The following HMCN2 variants were observed in gnomAD, a reference collection of about 807,000 sequenced individuals.
HMCN2 encodes the protein hemicentin-2.
In HMCN2, 325 loss-of-function variants were observed where a neutral mutation model predicts 377.5. That is an observed-to-expected ratio of 0.86 (90% CI 0.79 to 0.94). HMCN2 has a LOEUF of 0.94. HMCN2 is among the 40% of genes least tolerant of loss of function. The pLI, the probability that HMCN2 is intolerant of heterozygous loss-of-function variation, is 0.00. For synonymous variants in HMCN2, 2,007 were observed against 2,046.8 expected (o/e 0.98, Z 0.53); for missense variants, 4,543 against 4,725.3 (o/e 0.96, Z 1.13).
chr9:130,282,459 C>T (rs1835171423), intron 1 of HMCN2, among the ~76,000 whole-genome samples: 1 of 152,216 alleles, frequency 6.6e-6, no homozygotes. Context: ...TCTGGCCAAG[C>T]TCCAAGGCTG....
intron 15 of HMCN2, among the ~76,000 whole-genome samples, chr9:130,316,170 G>A (rs1706727301): frequency 6.6e-6 from 1 of 152,178 alleles, no homozygotes; most frequent in African/African-American, 2.4e-5. Context: ...ATGGAATGAG[G>A]CCGAGGAGGA....
chr9:130,330,159 A>T (rs1229849154), intron 22 of HMCN2, among the ~76,000 whole-genome samples: 9 of 151,702 alleles, frequency 5.9e-5, no homozygotes, highest in African/African-American at 1.5e-4. Flanking sequence ...GCGTCTGGTG[A>T]GTCGTAGGTG....
Position 130,418,809 on chromosome 9 carries a change from A to C in HMCN2, c.12999A>C (p.Thr4333=). The C allele has an allele frequency of 6.7e-7, 1 of 1,501,514 alleles. No homozygotes were observed. Among genetic ancestry groups the C allele is most frequent in the Admixed American group, 2.2e-5 (1 of 45,508 alleles). The allele number at this position is 1,501,514 out of a possible 1,614,324, so 93.0% of individuals were successfully genotyped here. ...PVFQVEPQDM[T]VRSGDDVALR... ...TCCAGGTGGAGCCCCAGGACATGAC[A>C]GTGAGATCTGGGGATGACGTGGCCC... is the stretch of plus-strand genomic sequence containing the variant. The change falls in exon 86 of 98, where the codon ACA becomes ACC. Residue 4333 remains threonine, a synonymous_variant. Transcript: ENST00000683500.
In HMCN2 at chr9:130,372,343, C is replaced by T. The variant is rs375334832; in HGVS notation, c.7287C>T (p.Leu2429=). 37 of 985,936 alleles carry T rather than the reference C, an allele frequency of 3.8e-5. No individual in the cohort carries two copies. The African/African-American group carries it at 6.1e-4, about 16-fold the overall frequency. 61.1% of individuals were successfully genotyped at this position (985,936 alleles called of 1,614,324 possible). A position where few individuals can be genotyped will look rare whatever the true frequency, so the allele number is the denominator to read the frequency against. ...AGACACAGGAGCAAGACAGTGGCCT[C>T]TACTCATGCCTGGCAAGCAACGAGG... ...MTQTQEQDSG[L]YSCLASNEAG... is the part of the protein sequence containing the mutation. Residue 2429 remains leucine (L), a synonymous_variant, in exon 47 of 98, where the codon CTC becomes CTT. Coordinates refer to ENST00000683500, the MANE Select transcript of HMCN2 (RefSeq NM_001291815.2).
intron 15 of HMCN2, among the ~76,000 whole-genome samples, chr9:130,313,442 G>T (rs1837372092): frequency 6.6e-6 from 1 of 152,242 alleles, no homozygotes; most frequent in South Asian, 2.1e-4. Context: ...GCCCAGGTCC[G>T]CTGGTATTTG....
In HMCN2 at chr9:130,319,513, AGCT is replaced by A. The variant is rs1374756114; in HGVS notation, c.2372_2374del (p.Leu791del). ...CCTGCAGATGCGCCCCAGCTGACGG[AGCT>A]GCCCCGGGATGTCACTGTGGAACTG... is the stretch of plus-strand genomic sequence containing the variant. On this transcript the variant is annotated inframe_deletion, in exon 16 of 98. Coordinates refer to ENST00000683500, the MANE Select transcript of HMCN2 (RefSeq NM_001291815.2). The A allele has an allele frequency of 1.3e-5, 2 of 152,128 alleles. 1 individual carries two copies. The highest frequency in any genetic ancestry group is 1.3e-4 in the Admixed American group (2 of 15,268). 9.4% of individuals were successfully genotyped at this position (152,128 alleles called of 1,614,324 possible). A position where few individuals can be genotyped will look rare whatever the true frequency, so the allele number is the denominator to read the frequency against.
At chr9:130,277,150 G>T (rs1417581306) in intron 1 of HMCN2, among the ~76,000 whole-genome samples, 8 of 152,246 alleles carry the variant, frequency 5.3e-5, no homozygotes, top group African/African-American at 1.9e-4. Context: ...CAGTTCATGG[G>T]GCTGGCCCCA....
rs782022293 is a variant in HMCN2 at position 130,294,940 on chromosome 9, G to A, written c.698G>A (p.Trp233Ter). ...TDHEEEGEHT[W>*]RLPFDPSLKE... ...CACGAGGAGGAGGGGGAGCACACAT[G>A]GAGACTCCCCTTTGACCCCAGCCTG... The change falls in exon 5 of 98, where the codon TGG becomes TAG. Residue 233 changes from tryptophan (W) to a stop codon, truncating the protein, a stop_gained. Transcript: ENST00000683500. LOFTEE classifies it high-confidence loss of function. 4.2e-6 allele frequency: 2 copies of A among 470,948 alleles called. No individual in the cohort carries two copies. The highest frequency in any genetic ancestry group is 3.1e-5 in the South Asian group (2 of 64,494). The allele number at this position is 470,948 out of a possible 1,614,324, so 29.2% of individuals were successfully genotyped here.
Position 130,423,981 on chromosome 9 carries a change from C to CTT in HMCN2, c.13382-786_13382-785dup, listed in dbSNP as rs113886984. 6.7e-5 allele frequency among the ~76,000 whole-genome samples: 10 copies of CTT among 148,486 alleles called. No individual in the cohort carries two copies. The highest frequency in any genetic ancestry group is 4.3e-4 in the South Asian group (2 of 4,680). On this transcript the variant is annotated intron_variant, in intron 87 of 97. Coordinates refer to ENST00000683500, the MANE Select transcript of HMCN2 (RefSeq NM_001291815.2). The surrounding 1 kb of genome is among the most constrained non-coding windows in gnomAD (Gnocchi z 5.5). ...AACAAGGTACATGCATTTATTTCTT[C>CTT]TTTTTTTTTTCTTTTTGAGACTGCT... is the stretch of plus-strand genomic sequence containing the variant.
In HMCN2 at chr9:130,382,793, CA is replaced by C; in HGVS notation, c.8661del (p.Trp2888GlyfsTer166). The C allele has an allele frequency of 1.0e-6, 1 of 985,938 alleles. No homozygotes were observed. The highest frequency in any genetic ancestry group is 1.2e-6 in the Non-Finnish European group (1 of 829,980). 61.1% of individuals were successfully genotyped at this position (985,938 alleles called of 1,614,324 possible). Reference protein sequence around the residue: ...PALGNPVPTISWLQNGLPFSP... With the variant: ...PALGNPVPTIXWLQNGLPFSP... ...CTGGGAAACCCCGTGCCCACCATCT[CA>C]TGGCTCCAGAATGGGCTGCCTTTCT... On this transcript the variant is annotated frameshift_variant, in exon 56 of 98. Coordinates refer to ENST00000683500, the MANE Select transcript of HMCN2 (RefSeq NM_001291815.2). LOFTEE classifies it high-confidence loss of function.
chr9:130,331,432 T>A (rs1049297184), intron 22 of HMCN2, among the ~76,000 whole-genome samples: 3 of 152,120 alleles, frequency 2.0e-5, no homozygotes, highest in African/African-American at 7.2e-5. Flanking sequence ...AGTTGCAAAT[T>A]CAAAATTGAA....
At chr9:130,289,844 C>G (rs1253338886) in intron 4 of HMCN2, among the ~76,000 whole-genome samples, 2 of 152,180 alleles carry the variant, frequency 1.3e-5, no homozygotes, top group Non-Finnish European at 2.9e-5. Flanking sequence ...CACGGTAAGC[C>G]TCCTGGCACA....
chr9:130,377,307 G>C (rs901165258), intron 52 of HMCN2, among the ~76,000 whole-genome samples: 1 of 151,842 alleles, frequency 6.6e-6, no homozygotes, highest in Non-Finnish European at 1.5e-5. Context: ...TAGAGATGGG[G>C]CTTCTTTATG....
At chr9:130,433,291 GC>G (rs1844871469) in intron 97 of HMCN2, 56 bp from the exon 98 acceptor site, 2 of 1,337,544 alleles carry the variant, frequency 1.5e-6, no homozygotes, top group Non-Finnish European at 1.9e-6. Flanking sequence ...ACGCGGATGG[GC>G]CACGCTCCGA....
At chr9:130,319,316 A>C (rs1236443368) in intron 15 of HMCN2, among the ~76,000 whole-genome samples, 179 bp from the exon 16 acceptor site, 1 of 152,122 alleles carries the variant, frequency 6.6e-6, no homozygotes, top group African/African-American at 2.4e-5. Flanking sequence ...CCTCATCCCA[A>C]GAGCTCTCCA....
rs887273859 is a variant in HMCN2, at chr9:130,375,610, G to A, written c.7678G>A (p.Val2560Met). The change falls in exon 50 of 98, where the codon GTG becomes ATG. Residue 2560 changes from valine (V) to methionine (M), a missense_variant. Val to Met is a conservative substitution (Grantham distance 21). Transcript: ENST00000683500. ...GGAEDSADEEVTVTVNNPISL... is the reference protein window; with the variant it reads ...GGAEDSADEEMTVTVNNPISL... ...GGCCGAGGACAGTGCAGATGAGGAGGTGACCGTGACTGTCAACAACCCCAT... is the reference window on the plus strand; with the variant it reads ...GGCCGAGGACAGTGCAGATGAGGAGATGACCGTGACTGTCAACAACCCCAT... 95 of 985,748 alleles carry A rather than the reference G, an allele frequency of 9.6e-5. No homozygotes were observed. Among genetic ancestry groups the A allele is most frequent in the Admixed American group, 6.1e-4 (10 of 16,268 alleles). The allele number at this position is 985,748 out of a possible 1,614,324, so 61.1% of individuals were successfully genotyped here.
rs145783637 is a variant in HMCN2 at position 130,414,613 on chromosome 9, CTTT to C, written c.12961+3975_12961+3977del. ...CAGATATCAGGTAATCTGATAAGGA[CTTT>C]TTTTTTTTTTTTTAAGACAAGGTCT... is the stretch of plus-strand genomic sequence containing the variant. On this transcript the variant is annotated intron_variant, in intron 85 of 97. Transcript: ENST00000683500. The surrounding 1 kb of genome is among the most constrained non-coding windows in gnomAD (Gnocchi z 4.4). Among the ~76,000 whole-genome samples, 9 of 140,736 alleles carry C rather than the reference CTTT, an allele frequency of 6.4e-5. No homozygotes were observed. The highest frequency in any genetic ancestry group is 7.7e-5 in the Non-Finnish European group (5 of 64,874). 92.3% of individuals were successfully genotyped at this position (140,736 alleles called of 152,430 possible).
At position 130,388,412 on chromosome 9, in the gene HMCN2, C is replaced by T; in HGVS notation, c.9395C>T (p.Pro3132Leu). The T allele has an allele frequency of 8.1e-6, 8 of 987,914 alleles. No individual in the cohort carries two copies. Among genetic ancestry groups the T allele is most frequent in the Non-Finnish European group, 9.6e-6 (8 of 830,098 alleles). The allele number at this position is 987,914 out of a possible 1,614,324, so 61.2% of individuals were successfully genotyped here. A position where few individuals can be genotyped will look rare whatever the true frequency, so the allele number is the denominator to read the frequency against. ...VRTFTLTVQV[P>L]PTFENPKTET... ...CAGTCTGGCTTTCTTCCTGCAGTGC[C>T]CCCAACATTTGAGAACCCCAAGACA... Residue 3132 changes from proline (P) to leucine (L), a missense_variant, in exon 62 of 98, where the codon CCC (proline) becomes CTC (leucine). By Grantham distance (98) the Pro-to-Leu change is moderately conservative. Coordinates refer to ENST00000683500, the MANE Select transcript of HMCN2 (RefSeq NM_001291815.2).
At chr9:130,370,206 A>G (rs1840940149) in intron 45 of HMCN2, among the ~76,000 whole-genome samples, 1 of 152,112 alleles carries the variant, frequency 6.6e-6, no homozygotes, top group Non-Finnish European at 1.5e-5. Context: ...GACCAGGAAA[A>G]CCTTGAATAC....
Sources: allele counts gnomAD v4.1 joint callset (sites outside exome capture counted in the v4.1 genomes callset), GRCh38; gene constraint gnomAD v4.1.1; non-coding constraint Gnocchi (gnomAD v3.1); transcripts MANE v1.5; gene names NCBI Gene and HGNC (gene_info 2026-07-23, HGNC 2026-07-21).